The following DPP6 variants were observed in gnomAD, a reference collection of about 807,000 sequenced individuals.
The protein encoded by DPP6 is dipeptidyl peptidase like 6.
A neutral mutation model predicts 122.6 loss-of-function variants in DPP6; 69 were observed. The observed-to-expected ratio is 0.56, with a 90% CI of 0.46 to 0.69. DPP6 has a LOEUF of 0.69. Ranked by LOEUF, DPP6 falls within the 30% of genes least tolerant of loss-of-function variation. DPP6 has a pLI of 0.00. For synonymous variants in DPP6, 418 were observed against 433.1 expected, an observed-to-expected ratio of 0.97 and a Z score of 0.43; for missense variants, 928 against 1,116.9, an observed-to-expected ratio of 0.83 and a Z score of 2.41.
chr7:153,872,320 G>A, the DPP6 span, among the ~76,000 whole-genome samples: 1 of 152,148 alleles, frequency 6.6e-6, no homozygotes, highest in Non-Finnish European at 1.5e-5. Flanking sequence ...ATACTGCTAT[G>A]GAAGGTGCTC....
chr7:154,188,684 T>C (rs1439590300), intron 1 of DPP6, among the ~76,000 whole-genome samples: 1 of 152,176 alleles, frequency 6.6e-6, no homozygotes, highest in Admixed American at 6.5e-5. Context: ...CACAAAGGTA[T>C]CTAATAAACC....
intron 1 of DPP6, among the ~76,000 whole-genome samples, chr7:154,106,619 G>A (rs1416835873): frequency 6.6e-6 from 1 of 150,866 alleles, no homozygotes; most frequent in African/African-American, 2.5e-5. Context: ...GGGCTGATGG[G>A]TGGGGGTGCA....
intron 1 of DPP6, among the ~76,000 whole-genome samples, chr7:154,352,914 C>T (rs1810993658): frequency 6.6e-6 from 1 of 152,158 alleles, no homozygotes. Context: ...TTTGTTTTTA[C>T]TTATTGTTTT....
At chr7:153,900,145 G>A (rs1450632303) in intron 1 of DPP6, among the ~76,000 whole-genome samples, 1 of 152,064 alleles carries the variant, frequency 6.6e-6, no homozygotes, top group Non-Finnish European at 1.5e-5. Context: ...TTAGTTCTAA[G>A]TGTACCCATT....
intron 1 of DPP6, among the ~76,000 whole-genome samples, chr7:154,366,754 A>G (rs1417471926): frequency 6.6e-6 from 1 of 152,200 alleles, no homozygotes; most frequent in Non-Finnish European, 1.5e-5. Context: ...GTTAAATGGG[A>G]TAAAAAAAAT....
chr7:154,225,961 A>T (rs1414661463), intron 1 of DPP6, among the ~76,000 whole-genome samples: 1 of 138,518 alleles, frequency 7.2e-6, no homozygotes, highest in Admixed American at 6.7e-5. Flanking sequence ...AAGGCAATTC[A>T]TGTTACCCAC....
At chr7:154,847,285 T>A (rs1802016935) in intron 16 of DPP6, among the ~76,000 whole-genome samples, 1 of 152,244 alleles carries the variant, frequency 6.6e-6, no homozygotes, top group Non-Finnish European at 1.5e-5. Context: ...TCATACTATA[T>A]ATGGCATGTA....
At position 154,172,386 on chromosome 7, in the gene DPP6, G is replaced by C. The variant is rs138669742; in HGVS notation, c.243+119323G>C. ...TTGAGCAGCCTGCCCCGCCTCCTGT[G>C]TGAAGAAAGGCAGGAAAACATTCCA... On this transcript the variant is annotated intron_variant, in intron 1 of 25. Coordinates refer to ENST00000377770, the MANE Select transcript of DPP6 (RefSeq NM_130797.4). Among the ~76,000 whole-genome samples the C allele has an allele frequency of 3.7e-4, 57 of 152,310 alleles. No homozygotes were observed. The East Asian group carries it at 9.3e-3, about 25-fold the overall frequency.
chr7:153,989,130 C>T (rs1463873849), intron 1 of DPP6, among the ~76,000 whole-genome samples: 2 of 148,448 alleles, frequency 1.3e-5, no homozygotes, highest in Admixed American at 6.8e-5. Flanking sequence ...GAGGGCGGCT[C>T]TCTGGTGTGC....
chr7:154,336,438 G>A (rs933071576), intron 1 of DPP6, among the ~76,000 whole-genome samples: 1 of 152,164 alleles, frequency 6.6e-6, no homozygotes, highest in Non-Finnish European at 1.5e-5. Flanking sequence ...TGGCCACTGG[G>A]CAGGCGGGGT....
chr7:154,571,494 C>G (rs1831108125), intron 5 of DPP6, among the ~76,000 whole-genome samples: 1 of 152,112 alleles, frequency 6.6e-6, no homozygotes, highest in Non-Finnish European at 1.5e-5. Flanking sequence ...TATCTTAGAT[C>G]ATTTAAAAAT....
chr7:153,838,994 T>A, the DPP6 span, among the ~76,000 whole-genome samples: 2 of 152,148 alleles, frequency 1.3e-5, no homozygotes, highest in South Asian at 4.1e-4. Flanking sequence ...TGAAACTGAT[T>A]GCTGGACCCA....
Position 154,386,949 on chromosome 7 carries a change from C to T in DPP6, c.244-59265C>T, listed in dbSNP as rs912918117. On this transcript the variant is annotated intron_variant, in intron 1 of 25. Coordinates refer to ENST00000377770, the MANE Select transcript of DPP6 (RefSeq NM_130797.4). ...AGAGGAGGGCTTGAGCATGGGTGGG[C>T]AGGTGAGCAAGCGTGCAGGGTGCAG... 2.1e-4 allele frequency among the ~76,000 whole-genome samples: 27 copies of T among 129,898 alleles called. 1 individual carries two copies. Among genetic ancestry groups the T allele is most frequent in the Admixed American group, 1.5e-3 (19 of 12,456 alleles). 85.2% of individuals were successfully genotyped at this position (129,898 alleles called of 152,430 possible).
intron 1 of DPP6, among the ~76,000 whole-genome samples, chr7:153,956,982 A>C (rs1270677495): frequency 6.6e-6 from 1 of 152,128 alleles, no homozygotes; most frequent in Non-Finnish European, 1.5e-5. Flanking sequence ...ATATGTTCTT[A>C]GTTGTAAATT....
chr7:154,420,587 A>T (rs1447262780), intron 1 of DPP6, among the ~76,000 whole-genome samples: 1 of 152,148 alleles, frequency 6.6e-6, no homozygotes, highest in Non-Finnish European at 1.5e-5. Context: ...TACAGTCAAA[A>T]AATGCAAAGT....
rs1199534399 is a variant in DPP6, at chr7:154,077,673, A to AT, written c.243+24612dup. Among the ~76,000 whole-genome samples the AT allele has an allele frequency of 2.6e-3, 356 of 139,342 alleles. 1 individual carries two copies. The highest frequency in any genetic ancestry group is 6.1e-3 in the African/African-American group (237 of 38,720). 91.4% of individuals were successfully genotyped at this position (139,342 alleles called of 152,430 possible). On this transcript the variant is annotated intron_variant, in intron 1 of 25. Transcript: ENST00000377770. The stretch of plus-strand genomic sequence containing the variant: ...ATTATAGATTTTATTTATTATTATT[A>AT]TTATTTTTTTTTTTTTGAGACAGAG...
the DPP6 span, among the ~76,000 whole-genome samples, chr7:153,749,031 G>A: frequency 2.0e-5 from 3 of 152,154 alleles, no homozygotes; most frequent in Admixed American, 6.5e-5. The surrounding 1 kb of genome is among the most constrained non-coding windows in gnomAD (Gnocchi z 4.1). Flanking sequence ...CGACGGAGGG[G>A]GCTTGTGCGG....
At chr7:154,061,294 ATCT>A (rs1199757091) in intron 1 of DPP6, among the ~76,000 whole-genome samples, 1 of 148,758 alleles carries the variant, frequency 6.7e-6, no homozygotes, top group Non-Finnish European at 1.5e-5. Flanking sequence ...TTACAAGAAA[ATCT>A]TCTGGCAGCC....
At chr7:154,686,791 T>C (rs569938403) in intron 7 of DPP6, among the ~76,000 whole-genome samples, 8 of 152,330 alleles carry the variant, frequency 5.3e-5, no homozygotes, top group African/African-American at 1.7e-4. Context: ...TTCATTATTT[T>C]TTTTATTTCG....
Sources: gnomAD v4.1 joint callset for allele counts (sites outside exome capture counted in the v4.1 genomes callset) on GRCh38, gnomAD v4.1.1 for gene constraint, Gnocchi (gnomAD v3.1) non-coding constraint, MANE v1.5 for transcripts, NCBI Gene and HGNC (gene_info 2026-07-23, HGNC 2026-07-21) for gene names.